Variants in DENND2C observed in about 807,000 individuals in gnomAD.
The protein encoded by DENND2C is DENN domain containing 2C, also known as DENN domain-containing protein 2C.
DENND2C carries 72 observed loss-of-function variants against 112.4 expected under a neutral mutation model. That is an observed-to-expected ratio of 0.64 (90% CI 0.53 to 0.78). The LOEUF is 0.78. Among genes scored for constraint, DENND2C ranks in the 30% least tolerant of loss-of-function variants. The pLI is 0.00. For synonymous variants in DENND2C, 329 were observed against 381.6 expected, an observed-to-expected ratio of 0.86 and a Z score of 1.61; for missense variants, 992 against 1,113.8, an observed-to-expected ratio of 0.89 and a Z score of 1.56.
chr1:114,655,150 A>C (rs1456876345), intron 1 of DENND2C, among the ~76,000 whole-genome samples: 1 of 152,204 alleles, frequency 6.6e-6, no homozygotes, highest in Non-Finnish European at 1.5e-5. Flanking sequence ...TGCCACAAGC[A>C]GGTATTATTA....
intron 1 of DENND2C, among the ~76,000 whole-genome samples, chr1:114,665,964 C>T (rs1657635315): frequency 6.6e-6 from 1 of 152,142 alleles, no homozygotes; most frequent in South Asian, 2.1e-4. Context: ...GATCCTCTCT[C>T]GACATCTCCA....
intron 2 of DENND2C, among the ~76,000 whole-genome samples, chr1:114,653,585 T>C (rs1463242724): frequency 6.6e-6 from 1 of 152,124 alleles, no homozygotes; most frequent in Non-Finnish European, 1.5e-5. Context: ...GAACTTGGGG[T>C]AGGGAAACAA....
At chr1:114,643,823 T>G (rs1570801952) in intron 3 of DENND2C, among the ~76,000 whole-genome samples, 1 of 132,160 alleles carries the variant, frequency 7.6e-6, no homozygotes, top group Admixed American at 8.1e-5. Context: ...TTTTTTAAAA[T>G]GAAAGAATGA....
intron 3 of DENND2C, 40 bp downstream of exon 3, chr1:114,645,408 T>C (rs1269739426): frequency 2.0e-5 from 3 of 152,194 alleles, no homozygotes; most frequent in Admixed American, 2.0e-4. Flanking sequence ...AGAAGACTGC[T>C]ATCTACGAGC....
intron 3 of DENND2C, among the ~76,000 whole-genome samples, chr1:114,638,762 C>CAAAAAAAAAAAAAAAAAAAAAAAAAAAA (rs35740017): frequency 1.2e-5 from 1 of 84,164 alleles, no homozygotes; most frequent in Non-Finnish European, 2.3e-5. Flanking sequence ...GACCTTGTCT[C>CAAAAAAAAAAAAAAAAAAAAAAAAAAAA]AAAAAAAAAA....
In DENND2C at chr1:114,612,434, C is replaced by T. The variant is rs1168835477; in HGVS notation, c.1325-1317G>A. On this transcript the variant is annotated intron_variant, in intron 8 of 20. Coordinates refer to ENST00000393274, the MANE Select transcript of DENND2C (RefSeq NM_001256404.2). ...TGGCACAATCTTGGCTCACTGCAAC[C>T]TCTGCCTCCCGGACTCAACTGATCC... Among the ~76,000 whole-genome samples the T allele has an allele frequency of 7.9e-5, 12 of 151,780 alleles. No individual in the cohort carries two copies. The East Asian group carries it at 2.3e-3, about 29-fold the overall frequency.
chr1:114,621,288 AT>A (rs1293320059), intron 7 of DENND2C, among the ~76,000 whole-genome samples: 5 of 152,292 alleles, frequency 3.3e-5, no homozygotes, highest in South Asian at 2.1e-4. Flanking sequence ...AGAAAAAAAA[AT>A]ATATGTCTGC....
chr1:114,669,815 C>G (rs1025786114), intron 1 of DENND2C, among the ~76,000 whole-genome samples, 168 bp downstream of exon 1: 3 of 152,064 alleles, frequency 2.0e-5, no homozygotes, highest in African/African-American at 7.2e-5. Context: ...GGTGCCGAGA[C>G]AGCGGGGCGC....
chr1:114,649,589 G>A (rs1294076786), intron 2 of DENND2C, among the ~76,000 whole-genome samples: 1 of 151,904 alleles, frequency 6.6e-6, no homozygotes. Flanking sequence ...TGTTGCCAGG[G>A]CTGGTCTTGA....
At chr1:114,662,893 G>C (rs1190513428) in intron 1 of DENND2C, among the ~76,000 whole-genome samples, 2 of 152,160 alleles carry the variant, frequency 1.3e-5, no homozygotes, top group African/African-American at 4.8e-5. Context: ...CCAGGGGTTG[G>C]AGGCTGCAGT....
At chr1:114,646,781 C>T (rs1402629448) in intron 2 of DENND2C, among the ~76,000 whole-genome samples, 1 of 152,114 alleles carries the variant, frequency 6.6e-6, no homozygotes, top group Non-Finnish European at 1.5e-5. Context: ...ATCTTGTGTA[C>T]CTCTGGTAGA....
intron 11 of DENND2C, among the ~76,000 whole-genome samples, 188 bp downstream of exon 11, chr1:114,604,734 C>A (rs1250086144): frequency 6.7e-6 from 1 of 149,258 alleles, no homozygotes; most frequent in Non-Finnish European, 1.5e-5. Context: ...TGAAATTATT[C>A]CACGTTTTTA....
chr1:114,646,562 C>T (rs1421309841), intron 2 of DENND2C, among the ~76,000 whole-genome samples: 1 of 152,172 alleles, frequency 6.6e-6, no homozygotes, highest in Non-Finnish European at 1.5e-5. Flanking sequence ...GCTAAAAGTG[C>T]ACAAACAAGT....
At chr1:114,659,883 T>C (rs1462580931) in intron 1 of DENND2C, among the ~76,000 whole-genome samples, 3 of 148,486 alleles carry the variant, frequency 2.0e-5, no homozygotes, top group East Asian at 4.1e-4. Flanking sequence ...CCTCACTCTT[T>C]GGGCTTACGC....
intron 11 of DENND2C, 93 bp downstream of exon 11, chr1:114,604,829 A>G: frequency 1.1e-6 from 1 of 886,296 alleles, no homozygotes; most frequent in Non-Finnish European, 1.8e-6. Context: ...CAGTATTCAC[A>G]TAGCTTCACT....
At chr1:114,662,952 C>G (rs189463244) in intron 1 of DENND2C, among the ~76,000 whole-genome samples, 50 of 150,562 alleles carry the variant, frequency 3.3e-4, no homozygotes, top group African/African-American at 1.2e-3. Context: ...AGAGAAAGAC[C>G]AAGAAAAGAA....
intron 4 of DENND2C, among the ~76,000 whole-genome samples, chr1:114,624,298 ATTT>A (rs1220688837): frequency 2.0e-5 from 3 of 151,980 alleles, no homozygotes; most frequent in African/African-American, 7.3e-5. Context: ...TTTGAATTTA[ATTT>A]TTATTTTATG....
intron 1 of DENND2C, among the ~76,000 whole-genome samples, chr1:114,659,531 C>T (rs974456142): frequency 2.0e-5 from 3 of 151,942 alleles, no homozygotes; most frequent in Non-Finnish European, 4.4e-5. Flanking sequence ...AAAAAAAGTG[C>T]AGTAGTGATG....
In DENND2C at chr1:114,618,451, G is replaced by A; in HGVS notation, c.1259C>T (p.Ser420Phe). ...LVLKIDDIFE[S>F]KRGKKKVKLH... is the part of the protein sequence containing the mutation. ...CTTTACCTTCTTCTTCCCTCTTTTA[G>A]ATTCAAATATGTCATCTATTTTCAA... The change falls in exon 8 of 21, where the codon TCT (serine) becomes TTT (phenylalanine). Residue 420 changes from serine (S) to phenylalanine (F), a missense_variant. Coordinates refer to ENST00000393274, the MANE Select transcript of DENND2C (RefSeq NM_001256404.2). The A allele has an allele frequency of 6.3e-7, 1 of 1,591,552 alleles. No individual in the cohort carries two copies. The highest frequency in any genetic ancestry group is 8.5e-7 in the Non-Finnish European group (1 of 1,170,966).
Sources: allele counts gnomAD v4.1 joint callset (sites outside exome capture counted in the v4.1 genomes callset), GRCh38; gene constraint gnomAD v4.1.1; transcripts MANE v1.5; gene names NCBI Gene and HGNC (gene_info 2026-07-23, HGNC 2026-07-21).